ZNF589: variants seen among roughly 807,000 people sequenced by gnomAD.
The protein encoded by ZNF589 is KRAB-zinc finger protein SZF1-1.
ZNF589 carries 17 observed loss-of-function variants against 13.6 expected under a neutral mutation model. The observed-to-expected ratio is 1.25, with a 90% CI of 0.86 to 1.88. The LOEUF is 1.88. Ranked by LOEUF, ZNF589 falls within the 40% of genes most tolerant of loss-of-function variation. The pLI is 0.00. For synonymous variants in ZNF589, 148 were observed against 161.6 expected (o/e 0.92, Z 0.64); for missense variants, 407 against 434.0 (o/e 0.94, Z 0.55).
At chr3:48,264,702 G>A (rs186793458) in intron 3 of ZNF589, among the ~76,000 whole-genome samples, 2 of 151,948 alleles carry the variant, frequency 1.3e-5, no homozygotes, top group South Asian at 2.1e-4. Flanking sequence ...GGTGGCACAC[G>A]CCTGTAGTCC....
chr3:48,251,270 A>G (rs2033835115), intron 2 of ZNF589, among the ~76,000 whole-genome samples: 1 of 152,132 alleles, frequency 6.6e-6, no homozygotes, highest in African/African-American at 2.4e-5. Flanking sequence ...CTCAGCACGC[A>G]ACTGTAGTTC....
At position 48,264,031 on chromosome 3, in the gene ZNF589, T is replaced by G. The variant is rs111732528; in HGVS notation, c.223+3092T>G. On this transcript the variant is annotated intron_variant, in intron 3 of 3. Transcript: ENST00000354698. ...CCAGTGATATGTATGGGAGAAGGGTTCTGTAGACATAGAAACCAGCCAGTG... is the reference window on the plus strand; with the variant it reads ...CCAGTGATATGTATGGGAGAAGGGTGCTGTAGACATAGAAACCAGCCAGTG... Among the ~76,000 whole-genome samples the G allele has an allele frequency of 2.2e-3, 328 of 152,262 alleles. 3 individuals are homozygous for G. Among genetic ancestry groups the G allele is most frequent in the African/African-American group, 7.1e-3 (296 of 41,564 alleles).
At chr3:48,260,218 GCCCTGA>G (rs1236803244) in intron 2 of ZNF589, among the ~76,000 whole-genome samples, 4 of 151,436 alleles carry the variant, frequency 2.6e-5, no homozygotes, top group Non-Finnish European at 1.5e-5. Context: ...GCTCACTGTA[GCCCTGA>G]CCTCCTGGGA....
chr3:48,262,437 C>T (rs938055095), intron 3 of ZNF589, among the ~76,000 whole-genome samples: 2 of 151,866 alleles, frequency 1.3e-5, no homozygotes, highest in Non-Finnish European at 1.5e-5. Context: ...GTGATCTGCC[C>T]GCCTCAGCCT....
chr3:48,258,877 T>C (rs1559982064), intron 2 of ZNF589, among the ~76,000 whole-genome samples: 1 of 152,182 alleles, frequency 6.6e-6, no homozygotes, highest in Non-Finnish European at 1.5e-5. Context: ...CTAGCTTCCA[T>C]TGTAGCTGAG....
At chr3:48,265,845 C>CTAT (rs546600642) in intron 3 of ZNF589, among the ~76,000 whole-genome samples, 19 of 151,688 alleles carry the variant, frequency 1.3e-4, no homozygotes, top group African/African-American at 2.4e-4. Flanking sequence ...ATTCTAAGCT[C>CTAT]TATTATTATT....
intron 2 of ZNF589, among the ~76,000 whole-genome samples, chr3:48,251,788 A>G (rs373907660): frequency 3.3e-5 from 5 of 152,114 alleles, no homozygotes; most frequent in African/African-American, 9.6e-5. Context: ...CATACCTGTA[A>G]TCCTAGCACT....
At position 48,269,214 on chromosome 3, in the gene ZNF589, G is replaced by A. The variant is rs902424182; in HGVS notation, c.*428G>A. On this transcript the variant is annotated 3_prime_UTR_variant, in exon 4 of 4. Transcript: ENST00000354698. ...TATGCATGCACGGAGTGTGGGCAAG[G>A]CTTTATCACGAAATCACAGCTCATC... 3.5e-6 allele frequency: 5 copies of A among 1,408,708 alleles called. No homozygotes were observed. In the African/African-American group the frequency reaches 5.7e-5, roughly 16 times the overall value. The allele number at this position is 1,408,708 out of a possible 1,614,324, so 87.3% of individuals were successfully genotyped here.
intron 1 of ZNF589, among the ~76,000 whole-genome samples, chr3:48,246,827 C>T (rs139219330): frequency 0.021 from 3,259 of 152,074 alleles, 95 homozygotes; most frequent in African/African-American, 0.074. Flanking sequence ...CGCCACCACA[C>T]CCAGCTAATT....
At chr3:48,262,769 T>C (rs1374338740) in intron 3 of ZNF589, among the ~76,000 whole-genome samples, 2 of 152,216 alleles carry the variant, frequency 1.3e-5, no homozygotes, top group African/African-American at 2.4e-5. Context: ...TATAAATCTA[T>C]TTTAGATAAT....
At chr3:48,251,501 A>G (rs1377568102) in intron 2 of ZNF589, among the ~76,000 whole-genome samples, 1 of 152,002 alleles carries the variant, frequency 6.6e-6, no homozygotes. Context: ...CAGAGGTTGC[A>G]GTGAGCTGAG....
At chr3:48,246,665 A>G (rs2106831774) in intron 1 of ZNF589, among the ~76,000 whole-genome samples, 1 of 152,050 alleles carries the variant, frequency 6.6e-6, no homozygotes, top group East Asian at 1.9e-4. Flanking sequence ...TTCTGTGTTT[A>G]ACATTTTCTT....
chr3:48,265,879 T>A (rs536987363), intron 3 of ZNF589, among the ~76,000 whole-genome samples: 13 of 152,228 alleles, frequency 8.5e-5, no homozygotes, highest in African/African-American at 3.1e-4. Flanking sequence ...ATAATAATAA[T>A]AGACCCCATA....
Position 48,268,629 on chromosome 3 carries a change from T to A in ZNF589, c.938T>A (p.Phe313Tyr), listed in dbSNP as rs759961458. 2 of 1,613,738 alleles carry A rather than the reference T, an allele frequency of 1.2e-6. No individual in the cohort carries two copies. The highest frequency in any genetic ancestry group is 8.5e-7 in the Non-Finnish European group (1 of 1,179,980). ...GTGTGCAGCCATTGTGGGCGAGGCT[T>A]TAGCTGCAAGCCATACCTCATCAGA... is the stretch of plus-strand genomic sequence containing the variant. ...PYVCSHCGRG[F>Y]SCKPYLIRHQ... Residue 313 changes from phenylalanine (F) to tyrosine (Y), a missense_variant, in exon 4 of 4, where the codon TTT (phenylalanine) becomes TAT (tyrosine). Coordinates refer to ENST00000354698, the MANE Select transcript of ZNF589 (RefSeq NM_016089.3).
rs1370531228 is a variant in ZNF589, at chr3:48,270,580, G to A, written c.*1794G>A. On this transcript the variant is annotated 3_prime_UTR_variant, in exon 4 of 4. Coordinates refer to ENST00000354698, the MANE Select transcript of ZNF589 (RefSeq NM_016089.3). ...GCCTTACTCCCTTGGGCTGGGGCTA[G>A]CCCTACCTGATACCCTGTGTCAATG... The A allele has an allele frequency of 6.7e-6, 2 of 296,356 alleles. No individual in the cohort carries two copies. The highest frequency in any genetic ancestry group is 1.6e-4 in the East Asian group (2 of 12,264). The allele number at this position is 296,356 out of a possible 1,614,324, so 18.4% of individuals were successfully genotyped here.
At chr3:48,263,724 A>T (rs1008262852) in intron 3 of ZNF589, among the ~76,000 whole-genome samples, 1 of 152,194 alleles carries the variant, frequency 6.6e-6, no homozygotes, top group Admixed American at 6.5e-5. Context: ...GCGCCACTGC[A>T]CTCCAACCTG....
intron 2 of ZNF589, among the ~76,000 whole-genome samples, chr3:48,251,040 C>T (rs548419819): frequency 8.5e-5 from 13 of 152,280 alleles, no homozygotes; most frequent in African/African-American, 1.9e-4. Context: ...TGTGAGCCAC[C>T]GTGCCCGGCC....
chr3:48,247,322 TG>T (rs1400345311), intron 1 of ZNF589, among the ~76,000 whole-genome samples: 2 of 151,636 alleles, frequency 1.3e-5, no homozygotes, highest in Non-Finnish European at 2.9e-5. Flanking sequence ...ACATAACACA[TG>T]GGGGGAAATG....
At chr3:48,252,094 A>G (rs1313023754) in intron 2 of ZNF589, among the ~76,000 whole-genome samples, 1 of 152,008 alleles carries the variant, frequency 6.6e-6, no homozygotes, top group Admixed American at 6.6e-5. Flanking sequence ...GTTCTGCTCC[A>G]TTGAACTCTT....
Sources: allele counts gnomAD v4.1 joint callset (sites outside exome capture counted in the v4.1 genomes callset), GRCh38; gene constraint gnomAD v4.1.1; transcripts MANE v1.5; gene names NCBI Gene and HGNC (gene_info 2026-07-23, HGNC 2026-07-21).